ARSG: variants seen among roughly 807,000 people sequenced by gnomAD.
ARSG encodes arylsulfatase G, also known as ASG.
Under a neutral mutation model 50.5 loss-of-function variants are expected in ARSG, and 37 were observed. The observed-to-expected ratio is 0.73, with a 90% CI of 0.56 to 0.96. ARSG has a LOEUF of 0.96. Ranked by LOEUF, ARSG falls within the 50% of genes least tolerant of loss-of-function variation. The probability of loss-of-function intolerance (pLI) is 0.00; values close to 1 mark genes in which losing one functional copy is unlikely to be tolerated. For missense variants in ARSG, 629 were observed against 675.3 expected, an observed-to-expected ratio of 0.93 and a Z score of 0.76; for synonymous variants, 225 against 254.6, an observed-to-expected ratio of 0.88 and a Z score of 1.11.
At chr17:68,447,959 T>C in the ARSG span, among the ~76,000 whole-genome samples, 64 of 130,414 alleles carry the variant, frequency 4.9e-4, 1 homozygote, top group African/African-American at 1.7e-3. Flanking sequence ...CACTCCAGCC[T>C]GGGCAACAGA....
intron 11 of ARSG, among the ~76,000 whole-genome samples, chr17:68,411,835 T>C (rs1288959125): frequency 1.3e-5 from 2 of 150,544 alleles, no homozygotes; most frequent in African/African-American, 4.9e-5. Context: ...ATATTTAGGA[T>C]AGTTAGCTCT....
At chr17:68,278,071 G>T in intron 1 of ARSG, 1 of 1,570,038 alleles carries the variant, frequency 6.4e-7, no homozygotes, top group Non-Finnish European at 8.8e-7. Flanking sequence ...TCATGGTTAG[G>T]CCGAAAGATG....
intron 10 of ARSG, among the ~76,000 whole-genome samples, chr17:68,395,648 G>C (rs756235230): frequency 2.7e-4 from 41 of 152,170 alleles, no homozygotes; most frequent in Non-Finnish European, 4.0e-4. Flanking sequence ...GGTGTATATA[G>C]GTTCTCATTC....
chr17:68,323,458 G>A (rs1344473337), intron 2 of ARSG, among the ~76,000 whole-genome samples: 1 of 151,890 alleles, frequency 6.6e-6, no homozygotes, highest in African/African-American at 2.4e-5. Flanking sequence ...CTATGTTGCC[G>A]AGGCTGATTT....
At chr17:68,431,901 C>G in the ARSG span, among the ~76,000 whole-genome samples, 2 of 152,254 alleles carry the variant, frequency 1.3e-5, no homozygotes, top group Admixed American at 6.5e-5. Flanking sequence ...GGGGCTGCAG[C>G]AGCAATTGCG....
At chr17:68,334,294 G>A (rs2146090003) in intron 2 of ARSG, among the ~76,000 whole-genome samples, 1 of 152,232 alleles carries the variant, frequency 6.6e-6, no homozygotes, top group African/African-American at 2.4e-5. Flanking sequence ...ACAGCATCAG[G>A]GAATGAACCC....
At chr17:68,372,363 C>G (rs1205677979) in intron 8 of ARSG, among the ~76,000 whole-genome samples, 1 of 152,112 alleles carries the variant, frequency 6.6e-6, no homozygotes, top group Non-Finnish European at 1.5e-5. Flanking sequence ...AAAGAACTAC[C>G]TGAGACAGGG....
At chr17:68,305,400 T>C (rs2076569757) in intron 1 of ARSG, among the ~76,000 whole-genome samples, 1 of 152,184 alleles carries the variant, frequency 6.6e-6, no homozygotes, top group Non-Finnish European at 1.5e-5. Context: ...CTGCTTAAAG[T>C]GTGATCCAAA....
chr17:68,370,086 G>A (rs576189763), intron 7 of ARSG, among the ~76,000 whole-genome samples: 72 of 152,182 alleles, frequency 4.7e-4, no homozygotes, highest in East Asian at 9.7e-4. Flanking sequence ...AGGATCTCGC[G>A]TCACTGCAAC....
At chr17:68,264,855 A>T (rs1555745986) in intron 1 of ARSG, among the ~76,000 whole-genome samples, 1 of 151,872 alleles carries the variant, frequency 6.6e-6, no homozygotes, top group Non-Finnish European at 1.5e-5. Context: ...ATCAGGGGAA[A>T]TGAAAACATA....
intron 1 of ARSG, 121 bp from the exon 2 acceptor site, chr17:68,306,822 T>C (rs2076627184): frequency 6.6e-6 from 1 of 152,244 alleles, no homozygotes; most frequent in Non-Finnish European, 1.5e-5. Context: ...ATGAACCAGT[T>C]AAATATTTGA....
At chr17:68,377,865 G>C (rs918844339) in intron 8 of ARSG, among the ~76,000 whole-genome samples, 4 of 152,246 alleles carry the variant, frequency 2.6e-5, no homozygotes, top group African/African-American at 9.6e-5. Context: ...TAACTCTGAT[G>C]TGGGATCGGT....
chr17:68,327,724 TG>T (rs1267827243), intron 2 of ARSG, among the ~76,000 whole-genome samples: 1 of 152,136 alleles, frequency 6.6e-6, no homozygotes, highest in Non-Finnish European at 1.5e-5. Context: ...ACATATCTTT[TG>T]GGGGGACGCA....
chr17:68,363,247 G>C (rs940469448), intron 6 of ARSG, among the ~76,000 whole-genome samples: 1 of 152,068 alleles, frequency 6.6e-6, no homozygotes, highest in African/African-American at 2.4e-5. Flanking sequence ...TAAGTGTTTT[G>C]GGGCAAGATA....
At chr17:68,333,916 G>T (rs1343918456) in intron 2 of ARSG, among the ~76,000 whole-genome samples, 1 of 152,128 alleles carries the variant, frequency 6.6e-6, no homozygotes, top group Non-Finnish European at 1.5e-5. Context: ...ACGTGTGGCT[G>T]CCAGGGACGC....
At chr17:68,326,060 A>T (rs1447433442) in intron 2 of ARSG, among the ~76,000 whole-genome samples, 2 of 152,158 alleles carry the variant, frequency 1.3e-5, no homozygotes, top group East Asian at 3.9e-4. Flanking sequence ...CTGGAATTAT[A>T]CCCTAGGGCA....
At chr17:68,294,966 GATA>G (rs1365038101) in intron 1 of ARSG, among the ~76,000 whole-genome samples, 9 of 152,160 alleles carry the variant, frequency 5.9e-5, no homozygotes, top group Admixed American at 2.6e-4. Flanking sequence ...TGATGACGAT[GATA>G]ATAATAATAC....
Position 68,307,636 on chromosome 17 carries a change from G to C in ARSG, c.143G>C (p.Trp48Ser). ...ATTATTTTGGCCGATGACATGGGGTGGGGTGACCTGGGAGCAAACTGGGCA... is the reference window on the plus strand; with the variant it reads ...ATTATTTTGGCCGATGACATGGGGTCGGGTGACCTGGGAGCAAACTGGGCA... ...FVIILADDMG[W>S]GDLGANWAET... Residue 48 changes from tryptophan to serine, a missense_variant, in exon 2 of 12, where the codon TGG becomes TCG. Transcript: ENST00000621439. 6.2e-7 allele frequency: 1 copy of C among 1,612,812 alleles called. No homozygotes were observed. Among genetic ancestry groups the C allele is most frequent in the Middle Eastern group, 1.7e-4 (1 of 6,054 alleles).
chr17:68,402,945 C>T (rs1185714998), intron 11 of ARSG, among the ~76,000 whole-genome samples: 2 of 151,828 alleles, frequency 1.3e-5, no homozygotes, highest in Non-Finnish European at 2.9e-5. Flanking sequence ...AAATGAAAAA[C>T]AAAAAATAAA....
Sources: allele counts gnomAD v4.1 joint callset (sites outside exome capture counted in the v4.1 genomes callset), GRCh38; gene constraint gnomAD v4.1.1; transcripts MANE v1.5; gene names NCBI Gene and HGNC (gene_info 2026-07-23, HGNC 2026-07-21).